Variants in TRMT1L observed in about 807,000 individuals in gnomAD.
The protein encoded by TRMT1L is tRNA methyltransferase 1L, also known as tRNA (guanine(27)-N(2))-dimethyltransferase.
TRMT1L carries 28 observed loss-of-function variants against 81.6 expected under a neutral mutation model. The ratio of observed to expected loss-of-function variants is 0.34; its 90% CI spans 0.25 to 0.47. TRMT1L has a LOEUF of 0.47. Ranked by LOEUF, TRMT1L falls within the 20% of genes least tolerant of loss-of-function variation. TRMT1L has a pLI of 1.00. For missense variants in TRMT1L, 739 were observed against 877.1 expected (o/e 0.84, Z 1.99); for synonymous variants, 301 against 303.2 (o/e 0.99, Z 0.07).
At chr1:185,121,232 T>C (rs950279674) in intron 13 of TRMT1L, among the ~76,000 whole-genome samples, 2 of 152,200 alleles carry the variant, frequency 1.3e-5, no homozygotes, top group African/African-American at 4.8e-5. Context: ...CCCTTGATTA[T>C]TTATATATGA....
Position 185,156,534 on chromosome 1 carries a change from G to A in TRMT1L, c.179C>T (p.Ala60Val), listed in dbSNP as rs750224358. Reference protein sequence around the residue: ...ASAPAPAPALAQAPALSPSLA... With the variant: ...ASAPAPAPALVQAPALSPSLA... ...GGACGGGGACAGGGCCGGAGCCTGGGCCAGGGCAGGGGCTGGGGCTGGAGC... is the reference window on the plus strand; with the variant it reads ...GGACGGGGACAGGGCCGGAGCCTGGACCAGGGCAGGGGCTGGGGCTGGAGC... Residue 60 changes from alanine (A) to valine (V), a missense_variant, in exon 1 of 15, where the codon GCC becomes GTC. Coordinates refer to ENST00000367506, the MANE Select transcript of TRMT1L (RefSeq NM_030934.5). 5.6e-6 allele frequency: 9 copies of A among 1,612,450 alleles called. No homozygotes were observed. The highest frequency in any genetic ancestry group is 7.6e-6 in the Non-Finnish European group (9 of 1,179,252).
intron 10 of TRMT1L, among the ~76,000 whole-genome samples, chr1:185,132,147 A>C (rs1445919786): frequency 3.9e-5 from 6 of 152,014 alleles, no homozygotes; most frequent in Non-Finnish European, 7.4e-5. Context: ...TCTTAAAAAA[A>C]AGAAAAAGAA....
At chr1:185,134,477 G>A (rs1362503688) in intron 10 of TRMT1L, among the ~76,000 whole-genome samples, 4 of 152,156 alleles carry the variant, frequency 2.6e-5, no homozygotes, top group Admixed American at 6.5e-5. Context: ...GTGAGCCACC[G>A]TGCCCAGCTA....
intron 5 of TRMT1L, among the ~76,000 whole-genome samples, 164 bp downstream of exon 5, chr1:185,145,275 T>C (rs1426793462): frequency 1.3e-5 from 2 of 151,910 alleles, no homozygotes; most frequent in Non-Finnish European, 2.9e-5. Flanking sequence ...TAAAATGTTT[T>C]TGGAGACCTT....
intron 7 of TRMT1L, among the ~76,000 whole-genome samples, chr1:185,140,758 C>T (rs1653015717): frequency 6.6e-6 from 1 of 151,604 alleles, no homozygotes; most frequent in Non-Finnish European, 1.5e-5. Context: ...GCAGGTGGAT[C>T]ACTTGAGCCC....
intron 1 of TRMT1L, among the ~76,000 whole-genome samples, chr1:185,154,495 C>T (rs1198075354): frequency 6.6e-6 from 1 of 152,190 alleles, no homozygotes; most frequent in Non-Finnish European, 1.5e-5. Flanking sequence ...CTAGGTCAGA[C>T]AGCAATATTC....
Position 185,144,060 on chromosome 1 carries a change from G to A in TRMT1L, c.656-31C>T, listed in dbSNP as rs770160178. 4.5e-6 allele frequency: 7 copies of A among 1,541,048 alleles called. No homozygotes were observed. The Admixed American group carries it at 8.3e-5, about 18-fold the overall frequency. On this transcript the variant is annotated intron_variant, in intron 5 of 14. Transcript: ENST00000367506. The stretch of plus-strand genomic sequence containing the variant: ...ATGGAAAAAAGAAAAGATTTCCAGG[G>A]AAACACAAAATAATTCTAAACAAAA...
intron 10 of TRMT1L, among the ~76,000 whole-genome samples, chr1:185,130,133 A>G (rs527454914): frequency 2.3e-4 from 35 of 152,338 alleles, no homozygotes; most frequent in Admixed American, 1.9e-3. Context: ...AGCATCAGCA[A>G]ATTTCCTCTC....
chr1:185,146,995 C>T (rs1182537613), intron 4 of TRMT1L, among the ~76,000 whole-genome samples, 187 bp downstream of exon 4: 3 of 151,580 alleles, frequency 2.0e-5, no homozygotes, highest in African/African-American at 4.9e-5. Context: ...ATGAGAACTT[C>T]AATATAACAA....
At chr1:185,123,806 T>C (rs1652554663) in intron 13 of TRMT1L, 51 bp downstream of exon 13, 1 of 1,117,408 alleles carries the variant, frequency 8.9e-7, no homozygotes, top group African/African-American at 1.6e-5. Context: ...TTTTGCTATA[T>C]GCCTTTTTGA....
intron 10 of TRMT1L, among the ~76,000 whole-genome samples, chr1:185,135,170 CTTTGGGAG>C (rs1652862524): frequency 6.6e-6 from 1 of 152,110 alleles, no homozygotes; most frequent in East Asian, 1.9e-4. Context: ...AATCCTAGTG[CTTTGGGAG>C]GCCAAGGCGG....
At chr1:185,143,525 T>C (rs1430945393) in intron 6 of TRMT1L, 89 bp from the exon 7 acceptor site, 2 of 1,159,586 alleles carry the variant, frequency 1.7e-6, no homozygotes, top group African/African-American at 3.2e-5. Flanking sequence ...CTGAAGTTCC[T>C]AGTTACTGTA....
rs1282626459 is a variant in TRMT1L, at chr1:185,140,003, A to G, written c.1079T>C (p.Val360Ala). Residue 360 changes from valine (V) to alanine (A), a missense_variant, in exon 8 of 15, where the codon GTA becomes GCA. Val to Ala is a moderately conservative substitution (Grantham distance 64, BLOSUM62 0). Coordinates refer to ENST00000367506, the MANE Select transcript of TRMT1L (RefSeq NM_030934.5). ...NIKVTKMDANVLMHLRSFDFI... is the reference protein window; with the variant it reads ...NIKVTKMDANALMHLRSFDFI... ...ATCAAAAGATCTCAAATGCATCAGT[A>G]CATTGGCATCCATTTTGGTCACCTT... is the stretch of plus-strand genomic sequence containing the variant. 3 of 1,613,602 alleles carry G rather than the reference A, an allele frequency of 1.9e-6. No homozygotes were observed. In the Admixed American group the frequency reaches 5.0e-5, roughly 27 times the overall value.
Position 185,156,674 on chromosome 1 carries a change from C to T in TRMT1L, c.39G>A (p.Glu13=). The change falls in exon 1 of 15, where the codon GAG becomes GAA. Residue 13 remains glutamate (E), a synonymous_variant. Transcript: ENST00000367506. ...CCTGGGCCACCTCCACCTCCTCCTTCTCCAGGGGCAGCAGCTCCTCCTCCG... is the reference window on the plus strand; with the variant it reads ...CCTGGGCCACCTCCACCTCCTCCTTTTCCAGGGGCAGCAGCTCCTCCTCCG... ...NMAEEELLPL[E]KEEVEVAQVQ... 1 of 1,612,214 alleles carries T rather than the reference C, an allele frequency of 6.2e-7. No homozygotes were observed. The highest frequency in any genetic ancestry group is 8.5e-7 in the Non-Finnish European group (1 of 1,179,620).
At position 185,147,176 on chromosome 1, in the gene TRMT1L, G is replaced by C. The variant is rs1434596933; in HGVS notation, c.525+6C>G. The C allele has an allele frequency of 6.3e-7, 1 of 1,594,640 alleles. No individual in the cohort carries two copies. The highest frequency in any genetic ancestry group is 1.7e-5 in the Admixed American group (1 of 59,146). ...TTAAAAATAAAAAAATCTAATATCT[G>C]ATCACCTGTTCTCCAATAATGTTTG... On this transcript the variant is annotated splice_donor_region_variant and intron_variant, in intron 4 of 14. Coordinates refer to ENST00000367506, the MANE Select transcript of TRMT1L (RefSeq NM_030934.5).
chr1:185,131,053 G>A, intron 10 of TRMT1L, among the ~76,000 whole-genome samples: 1 of 151,646 alleles, frequency 6.6e-6, no homozygotes, highest in East Asian at 1.9e-4. Context: ...AGGCTCAAGT[G>A]CAGTGGTGCG....
intron 9 of TRMT1L, among the ~76,000 whole-genome samples, 174 bp from the exon 10 acceptor site, chr1:185,137,970 T>G (rs548370837): frequency 4.6e-5 from 7 of 152,186 alleles, no homozygotes; most frequent in African/African-American, 1.7e-4. Flanking sequence ...TTTACAGAAA[T>G]TGAAACACAG....
chr1:185,152,036 T>G lies in TRMT1L; in HGVS notation c.236-101A>C. The G allele has an allele frequency of 5.0e-6, 3 of 596,060 alleles. No homozygotes were observed. In the South Asian group the frequency reaches 1.0e-4, roughly 21 times the overall value. 36.9% of individuals were successfully genotyped at this position (596,060 alleles called of 1,614,324 possible). On this transcript the variant is annotated intron_variant, in intron 1 of 14. Coordinates refer to ENST00000367506, the MANE Select transcript of TRMT1L (RefSeq NM_030934.5). Reference sequence around the variant, plus strand: ...GAAGTTTATTTCCTATAACACAGTGTTATGGACCTAGATGGGGAATACTGC... The same window carrying G: ...GAAGTTTATTTCCTATAACACAGTGGTATGGACCTAGATGGGGAATACTGC...
chr1:185,143,532 T>C (rs886873021), intron 6 of TRMT1L, 96 bp from the exon 7 acceptor site: 9 of 1,035,896 alleles, frequency 8.7e-6, no homozygotes, highest in Non-Finnish European at 1.2e-5. Flanking sequence ...TCCTAGTTAC[T>C]GTACAAACTA....
Sources: allele counts gnomAD v4.1 joint callset (sites outside exome capture counted in the v4.1 genomes callset), GRCh38; gene constraint gnomAD v4.1.1; transcripts MANE v1.5; gene names NCBI Gene and HGNC (gene_info 2026-07-23, HGNC 2026-07-21).